The following MARCO variants were observed in gnomAD, a reference collection of about 807,000 sequenced individuals.
MARCO encodes the protein macrophage receptor MARCO.
In MARCO, 72 loss-of-function variants were observed where a neutral mutation model predicts 70.0. The ratio of observed to expected loss-of-function variants is 1.03; its 90% CI spans 0.85 to 1.25. MARCO has a LOEUF of 1.25. Among genes scored for constraint, MARCO ranks in the 50% most tolerant of loss-of-function variants. The pLI is 0.00. For synonymous variants in MARCO, 273 were observed against 243.1 expected (o/e 1.12, Z -1.14); for missense variants, 696 against 659.3 (o/e 1.06, Z -0.61).
intron 12 of MARCO, among the ~76,000 whole-genome samples, chr2:118,988,227 T>A (rs961733552): frequency 6.6e-6 from 1 of 151,820 alleles, no homozygotes; most frequent in Non-Finnish European, 1.5e-5. Flanking sequence ...GTGTGGGAAA[T>A]GAAGAGGGAG....
chr2:118,980,290 C>T (rs995994419), intron 8 of MARCO, among the ~76,000 whole-genome samples: 4 of 152,174 alleles, frequency 2.6e-5, no homozygotes, highest in African/African-American at 7.2e-5. Flanking sequence ...TGTTATAGGA[C>T]GCCTCAGCCA....
At chr2:118,949,649 G>T (rs974388233) in intron 1 of MARCO, 7 of 146,848 alleles carry the variant, frequency 4.8e-5, no homozygotes, top group Non-Finnish European at 7.5e-5. Context: ...AAAGGAAAAA[G>T]ATAGACTAAG....
intron 12 of MARCO, among the ~76,000 whole-genome samples, chr2:118,986,684 A>AAGGAAGGAAG (rs1558671831): frequency 4.4e-4 from 28 of 62,928 alleles, no homozygotes; most frequent in Non-Finnish European, 6.3e-4. Flanking sequence ...AAAGAAAGAA[A>AAGGAAGGAAG]GAAAGAAAGA....
At chr2:118,960,834 A>G (rs1294502320) in intron 1 of MARCO, among the ~76,000 whole-genome samples, 1 of 152,058 alleles carries the variant, frequency 6.6e-6, no homozygotes, top group African/African-American at 2.4e-5. Context: ...CCGTCAACCC[A>G]TCACCTAGAT....
chr2:118,968,003 T>A (rs1680088592), intron 1 of MARCO, among the ~76,000 whole-genome samples: 1 of 152,190 alleles, frequency 6.6e-6, no homozygotes, highest in South Asian at 2.1e-4. Context: ...GCCTGCTGTG[T>A]CACCTGCCAC....
At chr2:118,985,171 A>C (rs1423228684) in intron 12 of MARCO, among the ~76,000 whole-genome samples, 1 of 152,204 alleles carries the variant, frequency 6.6e-6, no homozygotes, top group East Asian at 1.9e-4. Flanking sequence ...CTTTGCTCAC[A>C]GTGTCACAGG....
At chr2:118,969,466 G>T (rs1458587092) in intron 2 of MARCO, among the ~76,000 whole-genome samples, 1 of 152,138 alleles carries the variant, frequency 6.6e-6, no homozygotes, top group African/African-American at 2.4e-5. Context: ...CTGAGGGAGG[G>T]AGAGAGAGAG....
intron 12 of MARCO, among the ~76,000 whole-genome samples, chr2:118,987,824 T>A (rs1680545283): frequency 6.6e-6 from 1 of 152,252 alleles, no homozygotes; most frequent in Admixed American, 6.5e-5. Context: ...TTCTGATGTA[T>A]TCTCTAGTTT....
rs61732823 is a variant in MARCO, at chr2:118,994,430, G to A, written c.1473G>A (p.Thr491=). 0.02 allele frequency: 31,481 copies of A among 1,614,094 alleles called. 355 individuals are homozygous for A. The highest frequency in any genetic ancestry group is 0.023 in the Non-Finnish European group (27,413 of 1,179,976). ...IWLDNVQCRG[T]ESTLWSCTKN... is the part of the protein sequence containing the mutation. ...TGGATAATGTTCAGTGTCGGGGCAC[G>A]GAGAGTACCCTGTGGAGCTGCACCA... Residue 491 remains threonine, a synonymous_variant, in exon 17 of 17, where the codon ACG becomes ACA. Coordinates refer to ENST00000327097, the MANE Select transcript of MARCO (RefSeq NM_006770.4).
At chr2:118,953,586 G>C (rs566890577) in intron 1 of MARCO, among the ~76,000 whole-genome samples, 1 of 152,256 alleles carries the variant, frequency 6.6e-6, no homozygotes, top group South Asian at 2.1e-4. Flanking sequence ...CTAGATTTCT[G>C]CTCCAGACAG....
chr2:118,986,202 T>C (rs762714358), intron 12 of MARCO, among the ~76,000 whole-genome samples: 1 of 152,198 alleles, frequency 6.6e-6, no homozygotes, highest in African/African-American at 2.4e-5. Flanking sequence ...TTGAGTCCCT[T>C]ATCCTTCATC....
intron 14 of MARCO, among the ~76,000 whole-genome samples, chr2:118,992,223 C>A (rs890205986): frequency 1.3e-5 from 2 of 152,214 alleles, no homozygotes; most frequent in Admixed American, 6.5e-5. Flanking sequence ...CTAACTTCAA[C>A]CCCTCTTGCT....
At chr2:118,971,994 C>T (rs1195356279) in intron 4 of MARCO, among the ~76,000 whole-genome samples, 2 of 152,198 alleles carry the variant, frequency 1.3e-5, no homozygotes, top group South Asian at 2.1e-4. Context: ...GCAGGCTGTG[C>T]GGTCAGGCCG....
chr2:118,970,374 A>G (rs751628673), intron 3 of MARCO, 36 bp downstream of exon 3: 34 of 1,497,406 alleles, frequency 2.3e-5, no homozygotes, highest in East Asian at 4.7e-5. Context: ...GGACTTCTCA[A>G]CAGAGGTCTG....
At chr2:118,971,812 A>G (rs556139332) in intron 4 of MARCO, among the ~76,000 whole-genome samples, 1 of 152,312 alleles carries the variant, frequency 6.6e-6, no homozygotes. Flanking sequence ...ACCAGGCATC[A>G]TCTGGCTGCC....
intron 12 of MARCO, among the ~76,000 whole-genome samples, chr2:118,989,599 C>T (rs1206805728): frequency 6.6e-6 from 1 of 152,194 alleles, no homozygotes; most frequent in Non-Finnish European, 1.5e-5. Flanking sequence ...CCTCCACTGA[C>T]CAGCACACTG....
chr2:118,943,663 G>A (rs1679544670), intron 1 of MARCO, among the ~76,000 whole-genome samples: 3 of 152,210 alleles, frequency 2.0e-5, no homozygotes, highest in Non-Finnish European at 4.4e-5. Context: ...AAGGATAAAG[G>A]GAGTCCGTTA....
At chr2:118,974,742 G>T (rs1418619688) in intron 6 of MARCO, among the ~76,000 whole-genome samples, 177 bp downstream of exon 6, 2 of 152,218 alleles carry the variant, frequency 1.3e-5, no homozygotes, top group African/African-American at 4.8e-5. Context: ...CCTTTCTGGT[G>T]GCCAGAGTAG....
intron 12 of MARCO, among the ~76,000 whole-genome samples, chr2:118,986,651 A>AGG (rs1280048956): frequency 2.9e-4 from 15 of 51,764 alleles, no homozygotes; most frequent in African/African-American, 1.7e-3. Flanking sequence ...GAAAGAAAGA[A>AGG]AGAAGGAAGG....
Sources: allele counts gnomAD v4.1 joint callset (sites outside exome capture counted in the v4.1 genomes callset), GRCh38; gene constraint gnomAD v4.1.1; transcripts MANE v1.5; gene names NCBI Gene and HGNC (gene_info 2026-07-23, HGNC 2026-07-21).